CMIP: variants seen among roughly 807,000 people sequenced by gnomAD.
CMIP encodes the protein c-Maf inducing protein.
A neutral mutation model predicts 97.3 loss-of-function variants in CMIP; 13 were observed. The ratio of observed to expected loss-of-function variants is 0.13; its 90% CI spans 0.09 to 0.21. The LOEUF (loss-of-function observed/expected upper bound fraction) is 0.21, where lower values mean the gene tolerates loss of function less well. Ranked by LOEUF, CMIP falls within the 10% of genes least tolerant of loss-of-function variation. The probability of loss-of-function intolerance (pLI) is 1.00; values close to 1 mark genes in which losing one functional copy is unlikely to be tolerated. For synonymous variants in CMIP, 538 were observed against 436.3 expected (o/e 1.23, Z -2.91); for missense variants, 847 against 1,024.9 (o/e 0.83, Z 2.37).
intron 1 of CMIP, among the ~76,000 whole-genome samples, chr16:81,545,182 T>C (rs1281363870): frequency 6.6e-6 from 1 of 152,208 alleles, no homozygotes; most frequent in African/African-American, 2.4e-5. Flanking sequence ...CCCTCCTCCC[T>C]GCAGGGTGCC....
intron 1 of CMIP, among the ~76,000 whole-genome samples, chr16:81,498,132 C>T (rs2089526837): frequency 6.6e-6 from 1 of 152,194 alleles, no homozygotes; most frequent in South Asian, 2.1e-4. Flanking sequence ...ACCTGCTGCT[C>T]CCTAGCAGTG....
Position 81,588,885 on chromosome 16 carries a change from TGAG to T in CMIP, c.301-18678_301-18676del, listed in dbSNP as rs2091424389. ...GCCTCTATCACTCCCATTTCACAGATGAGGAGACCGAGGTTCATAAAGCCCAAC... is the reference window on the plus strand; with the variant it reads ...GCCTCTATCACTCCCATTTCACAGATGAGACCGAGGTTCATAAAGCCCAAC... On this transcript the variant is annotated intron_variant, in intron 1 of 20. Transcript: ENST00000537098. Among the ~76,000 whole-genome samples, 5 of 152,180 alleles carry T rather than the reference TGAG, an allele frequency of 3.3e-5. No homozygotes were observed. In the South Asian group the frequency reaches 1.0e-3, roughly 32 times the overall value.
At chr16:81,705,981 C>G (rs1420987919) in intron 19 of CMIP, among the ~76,000 whole-genome samples, 1 of 152,212 alleles carries the variant, frequency 6.6e-6, no homozygotes, top group African/African-American at 2.4e-5. Flanking sequence ...CAGAAATGTA[C>G]ATTCCCAAGC....
intron 3 of CMIP, chr16:81,645,806 T>G: frequency 1.7e-6 from 1 of 605,642 alleles, no homozygotes; most frequent in South Asian, 1.9e-5. Flanking sequence ...TCAGAGCTGC[T>G]GTTTAGCCAG....
chr16:81,587,464 C>T (rs577828588), intron 1 of CMIP, among the ~76,000 whole-genome samples: 6 of 152,324 alleles, frequency 3.9e-5, no homozygotes, highest in East Asian at 3.9e-4. Context: ...TCTGTTCAGC[C>T]AGAGCCACCA....
At position 81,661,050 on chromosome 16, in the gene CMIP, C is replaced by A. The variant is rs183523055; in HGVS notation, c.744+104C>A. 28 of 1,402,580 alleles carry A rather than the reference C, an allele frequency of 2.0e-5. No homozygotes were observed. In the African/African-American group the frequency reaches 3.5e-4, roughly 18 times the overall value. 86.9% of individuals were successfully genotyped at this position (1,402,580 alleles called of 1,614,324 possible). A position where few individuals can be genotyped will look rare whatever the true frequency, so the allele number is the denominator to read the frequency against. ...AGAAAGGCCAAAAACCTGGGCCCCA[C>A]CGTCTTGGGTCACGGTCCCAGACAC... On this transcript the variant is annotated intron_variant, in intron 6 of 20. Coordinates refer to ENST00000537098, the MANE Select transcript of CMIP (RefSeq NM_198390.3).
At chr16:81,532,179 T>A (rs1240549707) in intron 1 of CMIP, among the ~76,000 whole-genome samples, 1 of 152,204 alleles carries the variant, frequency 6.6e-6, no homozygotes, top group African/African-American at 2.4e-5. Flanking sequence ...CAGACTGCAG[T>A]CCCAGGGCTC....
chr16:81,452,038 T>C (rs986292691), intron 1 of CMIP, among the ~76,000 whole-genome samples: 2 of 152,200 alleles, frequency 1.3e-5, no homozygotes, highest in African/African-American at 2.4e-5. Flanking sequence ...GCTGTGTGTA[T>C]TGAGGCAAAG....
At chr16:81,579,880 C>A (rs545065011) in intron 1 of CMIP, among the ~76,000 whole-genome samples, 1 of 152,144 alleles carries the variant, frequency 6.6e-6, no homozygotes, top group East Asian at 1.9e-4. Flanking sequence ...GGCGTGAACC[C>A]GGGAGGCGGA....
At chr16:81,685,513 A>G (rs1392396353) in intron 10 of CMIP, among the ~76,000 whole-genome samples, 1 of 152,038 alleles carries the variant, frequency 6.6e-6, no homozygotes, top group Non-Finnish European at 1.5e-5. Flanking sequence ...TCTGCATGGA[A>G]TATGCTTTAT....
intron 1 of CMIP, among the ~76,000 whole-genome samples, chr16:81,587,334 T>C (rs2091399007): frequency 6.6e-6 from 1 of 152,166 alleles, no homozygotes; most frequent in South Asian, 2.1e-4. Flanking sequence ...ATGATGAGTA[T>C]GTTTGGTAGG....
In CMIP at chr16:81,699,730, C is replaced by T; in HGVS notation, c.1684C>T (p.Leu562Phe). ...CTGTTACAAGACCAAAAAATTCCTG[C>T]TCTCCCTGGCAGAAAACAAGCTGGG... ...GSCYKTKKFL[L>F]SLAENKLGPC... Residue 562 changes from leucine (L) to phenylalanine (F), a missense_variant, in exon 15 of 21, where the codon CTC (leucine) becomes TTC (phenylalanine). By Grantham distance (22) the Leu-to-Phe change is conservative (BLOSUM62 0). This residue lies in a region of CMIP where 266 missense variants were observed against 384.2 expected (regional missense o/e 0.69). Coordinates refer to ENST00000537098, the MANE Select transcript of CMIP (RefSeq NM_198390.3). The T allele has an allele frequency of 6.2e-7, 1 of 1,613,780 alleles. No individual in the cohort carries two copies. Among genetic ancestry groups the T allele is most frequent in the Non-Finnish European group, 8.5e-7 (1 of 1,179,782 alleles).
At chr16:81,470,152 G>C (rs544634714) in intron 1 of CMIP, among the ~76,000 whole-genome samples, 1 of 152,356 alleles carries the variant, frequency 6.6e-6, no homozygotes, top group East Asian at 1.9e-4. Context: ...TCAGTTTAAA[G>C]AGAATTTCAA....
chr16:81,576,181 A>G (rs1345282513), intron 1 of CMIP, among the ~76,000 whole-genome samples: 1 of 152,154 alleles, frequency 6.6e-6, no homozygotes, highest in Non-Finnish European at 1.5e-5. Context: ...AGGCGGGTGG[A>G]TCACCTGAGG....
At chr16:81,660,813 C>G in intron 5 of CMIP, 71 bp from the exon 6 acceptor site, 9 of 1,533,148 alleles carry the variant, frequency 5.9e-6, no homozygotes, top group Non-Finnish European at 8.1e-6. Context: ...ACAATATGGC[C>G]TGGAGATTGT....
At chr16:81,663,978 G>A (rs976047781) in intron 6 of CMIP, among the ~76,000 whole-genome samples, 2 of 152,106 alleles carry the variant, frequency 1.3e-5, no homozygotes, top group African/African-American at 4.8e-5. Flanking sequence ...CGCCTGGAAC[G>A]CCCCCACCCC....
At chr16:81,707,966 C>T (rs996549285) in intron 20 of CMIP, among the ~76,000 whole-genome samples, 22 of 152,392 alleles carry the variant, frequency 1.4e-4, no homozygotes, top group Non-Finnish European at 2.5e-4. Context: ...CTCCTACAGC[C>T]AGGCCTCCTG....
intron 2 of CMIP, among the ~76,000 whole-genome samples, chr16:81,609,921 A>G (rs1252006996): frequency 1.3e-5 from 2 of 152,336 alleles, no homozygotes; most frequent in East Asian, 1.9e-4. Flanking sequence ...TCCAAAGGCA[A>G]TAGGCAGCCA....
chr16:81,702,152 CAT>C (rs1364702239), intron 16 of CMIP, among the ~76,000 whole-genome samples: 7 of 152,176 alleles, frequency 4.6e-5, no homozygotes, highest in Admixed American at 3.3e-4. Context: ...TATACTCACA[CAT>C]GTGTACACAG....
Sources: gnomAD v4.1 joint callset for allele counts (sites outside exome capture counted in the v4.1 genomes callset) on GRCh38, gnomAD v4.1.1 for gene constraint, gnomAD v4.1.1 regional missense constraint, MANE v1.5 for transcripts, NCBI Gene and HGNC (gene_info 2026-07-23, HGNC 2026-07-21) for gene names.